Variants in NUP210 observed in about 807,000 individuals in gnomAD.
NUP210 encodes the protein nucleoporin 210.
Under a neutral mutation model 196.0 loss-of-function variants are expected in NUP210, and 151 were observed. The observed-to-expected ratio is 0.77, with a 90% CI of 0.67 to 0.88. The LOEUF (loss-of-function observed/expected upper bound fraction) is 0.88, where lower values mean the gene tolerates loss of function less well. Among genes scored for constraint, NUP210 ranks in the 40% least tolerant of loss-of-function variants. The pLI, the probability that NUP210 is intolerant of heterozygous loss-of-function variation, is 0.00. For synonymous variants in NUP210, 1,070 were observed against 1,052.7 expected, an observed-to-expected ratio of 1.02 and a Z score of -0.32; for missense variants, 2,314 against 2,493.7, an observed-to-expected ratio of 0.93 and a Z score of 1.53.
Position 13,376,367 on chromosome 3 carries a change from C to T in NUP210, c.1217G>A (p.Gly406Glu). ...FFEVLSSSQNGSYHRIRALKR... is the reference protein window; with the variant it reads ...FFEVLSSSQNESYHRIRALKR... ...TAGTGCCCTGATGCGATGGTATGACCCATTCTGGGAGGACGAGAGCACCTC... is the reference window on the plus strand; with the variant it reads ...TAGTGCCCTGATGCGATGGTATGACTCATTCTGGGAGGACGAGAGCACCTC... Residue 406 changes from glycine (G) to glutamate (E), a missense_variant, in exon 10 of 40, where the codon GGG becomes GAG. Coordinates refer to ENST00000254508, the MANE Select transcript of NUP210 (RefSeq NM_024923.4). 1.2e-6 allele frequency: 2 copies of T among 1,614,192 alleles called. No homozygotes were observed. The highest frequency in any genetic ancestry group is 1.7e-6 in the Non-Finnish European group (2 of 1,180,010).
At chr3:13,331,062 C>T (rs1443843051) in intron 29 of NUP210, among the ~76,000 whole-genome samples, 3 of 152,086 alleles carry the variant, frequency 2.0e-5, no homozygotes, top group Non-Finnish European at 2.9e-5. Context: ...AATCCAAAGC[C>T]GGTCCCAACA....
At chr3:13,369,195 T>C (rs753974713) in intron 13 of NUP210, among the ~76,000 whole-genome samples, 17 of 152,232 alleles carry the variant, frequency 1.1e-4, no homozygotes, top group Non-Finnish European at 2.1e-4. Flanking sequence ...ATGTTGAGCA[T>C]CTTCCCGTGT....
In NUP210 at chr3:13,354,060, G is replaced by A. The variant is rs746455791; in HGVS notation, c.2376C>T (p.Tyr792=). The A allele has an allele frequency of 2.0e-5, 32 of 1,604,126 alleles. No individual in the cohort carries two copies. Among genetic ancestry groups the A allele is most frequent in the Non-Finnish European group, 2.5e-5 (29 of 1,175,696 alleles). The part of the protein sequence containing the change: ...HRNPRLDLAA[Y]DQEGRRFDNF... ...TGTCGAACCGGCGGCCCTCCTGGTC[G>A]TAAGCAGCCAGGTCCAGCCGGGGGT... Residue 792 remains tyrosine, a synonymous_variant, in exon 17 of 40, where the codon TAC becomes TAT. Transcript: ENST00000254508.
At chr3:13,351,024 C>G (rs1365987523) in intron 20 of NUP210, among the ~76,000 whole-genome samples, 1 of 152,182 alleles carries the variant, frequency 6.6e-6, no homozygotes, top group Non-Finnish European at 1.5e-5. Flanking sequence ...AAAAGTATAA[C>G]AGCTGAAATG....
intron 6 of NUP210, among the ~76,000 whole-genome samples, chr3:13,383,616 C>T (rs1393334603): frequency 6.6e-6 from 1 of 150,404 alleles, no homozygotes; most frequent in East Asian, 2.0e-4. Flanking sequence ...CCTCTGCCTC[C>T]CGGGTTCAAG....
At chr3:13,339,210 C>T (rs1308929789) in intron 25 of NUP210, among the ~76,000 whole-genome samples, 1 of 152,182 alleles carries the variant, frequency 6.6e-6, no homozygotes, top group East Asian at 1.9e-4. Flanking sequence ...CCCTCTAGGG[C>T]GGTGCACTTG....
chr3:13,412,117 A>C (rs1418080388), intron 1 of NUP210, among the ~76,000 whole-genome samples: 1 of 151,840 alleles, frequency 6.6e-6, no homozygotes, highest in Non-Finnish European at 1.5e-5. Flanking sequence ...AGAGTGGTAC[A>C]ATCATGGATC....
At chr3:13,413,217 C>T (rs1282054013) in intron 1 of NUP210, among the ~76,000 whole-genome samples, 1 of 151,944 alleles carries the variant, frequency 6.6e-6, no homozygotes, top group Admixed American at 6.6e-5. Context: ...CCTGTAATCC[C>T]AGCACTTTGG....
intron 20 of NUP210, among the ~76,000 whole-genome samples, chr3:13,349,002 C>T (rs865968869): frequency 1.3e-5 from 2 of 152,238 alleles, no homozygotes; most frequent in South Asian, 2.1e-4. Context: ...CCCCACACAT[C>T]AAAAAACAGC....
At chr3:13,362,538 G>A (rs1376461889) in intron 14 of NUP210, among the ~76,000 whole-genome samples, 1 of 152,202 alleles carries the variant, frequency 6.6e-6, no homozygotes, top group East Asian at 1.9e-4. Context: ...AAGGTGTTTC[G>A]TTAAGGCGAC....
chr3:13,336,734 T>A (rs1366789484), intron 27 of NUP210, 53 bp downstream of exon 27: 4 of 1,568,918 alleles, frequency 2.5e-6, no homozygotes, highest in Non-Finnish European at 3.5e-6. Flanking sequence ...CCACTCGGGG[T>A]GCTGGCCTGG....
At chr3:13,343,339 T>TGGGGGGGGTGGGGGGGGGGGGGGGGGGG in intron 20 of NUP210, 36 bp from the exon 21 acceptor site, 2 of 282,518 alleles carry the variant, frequency 7.1e-6, no homozygotes, top group African/African-American at 7.1e-5. Context: ...GGGTGGGTGG[T>TGGGGGGGGTGGGGGGGGGGGGGGGGGGG]GGGTTACGCA....
At chr3:13,407,046 C>G (rs1402609873) in intron 1 of NUP210, among the ~76,000 whole-genome samples, 1 of 152,190 alleles carries the variant, frequency 6.6e-6, no homozygotes, top group African/African-American at 2.4e-5. Flanking sequence ...GTGATCTTGA[C>G]CAAATGAGCT....
chr3:13,357,855 A>T (rs746909212), intron 16 of NUP210, among the ~76,000 whole-genome samples: 1 of 152,192 alleles, frequency 6.6e-6, no homozygotes, highest in Non-Finnish European at 1.5e-5. Context: ...CTGACCCTAC[A>T]TACCCTGTCC....
intron 13 of NUP210, among the ~76,000 whole-genome samples, chr3:13,371,359 C>G (rs145432737): frequency 6.6e-6 from 1 of 152,306 alleles, no homozygotes; most frequent in African/African-American, 2.4e-5. Context: ...ATGCAAAGTG[C>G]CTGTCCTGTC....
intron 19 of NUP210, 40 bp downstream of exon 19, chr3:13,352,039 CG>C: frequency 6.2e-7 from 1 of 1,605,134 alleles, no homozygotes; most frequent in Non-Finnish European, 8.5e-7. Flanking sequence ...GGAGTCCCCC[CG>C]TGGGTCTTGC....
At position 13,328,054 on chromosome 3, in the gene NUP210, G is replaced by A. The variant is rs149223113; in HGVS notation, c.4287-617C>T. ...CATCCTTGCCTCCACCACACCTTCT[G>A]ACCCTGAGTGCTGACTAGGTCTCTA... On this transcript the variant is annotated intron_variant, in intron 31 of 39. Coordinates refer to ENST00000254508, the MANE Select transcript of NUP210 (RefSeq NM_024923.4). Among the ~76,000 whole-genome samples the A allele has an allele frequency of 4.4e-3, 668 of 152,348 alleles. 6 individuals are homozygous for A. Among genetic ancestry groups the A allele is most frequent in the African/African-American group, 0.013 (544 of 41,580 alleles).
intron 1 of NUP210, among the ~76,000 whole-genome samples, chr3:13,418,517 GCTTGAGGAGTTCTCCTTGGT>G (rs1004903891): frequency 5.8e-5 from 8 of 138,630 alleles, no homozygotes; most frequent in Non-Finnish European, 1.1e-4. Flanking sequence ...CAGGTGGATC[GCTTGAGGAGTTCTCCTTGGT>G]CTTGAGGAGT....
At chr3:13,371,812 C>T (rs1698739925) in intron 13 of NUP210, 22 bp downstream of exon 13, 1 of 1,584,984 alleles carries the variant, frequency 6.3e-7, no homozygotes, top group Non-Finnish European at 8.6e-7. Context: ...TATCTGGCAC[C>T]TGCTCAGCAG....
Sources: allele counts gnomAD v4.1 joint callset (sites outside exome capture counted in the v4.1 genomes callset), GRCh38; gene constraint gnomAD v4.1.1; transcripts MANE v1.5; gene names NCBI Gene and HGNC (gene_info 2026-07-23, HGNC 2026-07-21).